GRM1: variants seen among roughly 807,000 people sequenced by gnomAD.
GRM1 encodes the protein metabotropic glutamate receptor 1.
A neutral mutation model predicts 90.9 loss-of-function variants in GRM1; 33 were observed. That is an observed-to-expected ratio of 0.36 (90% CI 0.28 to 0.49). GRM1 has a LOEUF of 0.49. Among genes scored for constraint, GRM1 ranks in the 20% least tolerant of loss-of-function variants. The pLI is 0.99. For missense variants in GRM1, 1,190 were observed against 1,534.3 expected, an observed-to-expected ratio of 0.78 and a Z score of 3.75; for synonymous variants, 700 against 613.2, an observed-to-expected ratio of 1.14 and a Z score of -2.09.
At position 146,436,263 on chromosome 6, in the gene GRM1, A is replaced by G. The variant is rs888364961; in HGVS notation, c.*1467A>G. 6.6e-6 allele frequency: 1 copy of G among 152,180 alleles called. No homozygotes were observed. Among genetic ancestry groups the G allele is most frequent in the Non-Finnish European group, 1.5e-5 (1 of 68,022 alleles). 9.4% of individuals were successfully genotyped at this position (152,180 alleles called of 1,614,324 possible). A position where few individuals can be genotyped will look rare whatever the true frequency, so the allele number is the denominator to read the frequency against. On this transcript the variant is annotated 3_prime_UTR_variant, in exon 8 of 8. Transcript: ENST00000282753. ...CAGCTCGGATGGACATTTTTCTTCT[A>G]AGATGGAACTTATTTTTCAGATATT... is the stretch of plus-strand genomic sequence containing the variant.
intron 5 of GRM1, among the ~76,000 whole-genome samples, chr6:146,370,176 T>C (rs923590929): frequency 1.3e-5 from 2 of 152,182 alleles, no homozygotes; most frequent in African/African-American, 4.8e-5. Context: ...TTTCTTGATG[T>C]TGTGCAAGTT....
At chr6:146,428,159 G>A (rs1778282671) in intron 7 of GRM1, among the ~76,000 whole-genome samples, 1 of 152,200 alleles carries the variant, frequency 6.6e-6, no homozygotes, top group African/African-American at 2.4e-5. Flanking sequence ...GAGATAAGTA[G>A]GTTTAAATCT....
chr6:146,226,747 G>C lies in GRM1; in HGVS notation c.950+67150G>C, dbSNP rs148934552. On this transcript the variant is annotated intron_variant, in intron 2 of 7. Coordinates refer to ENST00000282753, the MANE Select transcript of GRM1 (RefSeq NM_001278064.2). ...TCATGCTGTTTCTTCTACAGTCATTGTTAAAAATGCTCTAATGGACAGACT... is the reference window on the plus strand; with the variant it reads ...TCATGCTGTTTCTTCTACAGTCATTCTTAAAAATGCTCTAATGGACAGACT... Among the ~76,000 whole-genome samples the C allele has an allele frequency of 4.4e-3, 664 of 152,220 alleles. 5 individuals are homozygous for C. Among genetic ancestry groups the C allele is most frequent in the South Asian group, 7.9e-3 (38 of 4,810 alleles).
chr6:146,046,960 T>C (rs1194351264), intron 1 of GRM1, among the ~76,000 whole-genome samples: 1 of 151,918 alleles, frequency 6.6e-6, no homozygotes, highest in Non-Finnish European at 1.5e-5. Context: ...TCTTACATGA[T>C]AGCTAGTGTT....
intron 1 of GRM1, among the ~76,000 whole-genome samples, chr6:146,102,408 T>C (rs566234226): frequency 6.6e-6 from 1 of 152,352 alleles, no homozygotes; most frequent in African/African-American, 2.4e-5. Flanking sequence ...AAAACTGAGC[T>C]CATAAATCTT....
At chr6:146,373,646 T>C (rs1775986919) in intron 5 of GRM1, among the ~76,000 whole-genome samples, 1 of 152,164 alleles carries the variant, frequency 6.6e-6, no homozygotes, top group African/African-American at 2.4e-5. Flanking sequence ...TACTTTTTTA[T>C]TTCCTTTTCA....
chr6:146,388,737 C>T (rs1776600232), intron 6 of GRM1, among the ~76,000 whole-genome samples: 1 of 152,088 alleles, frequency 6.6e-6, no homozygotes, highest in African/African-American at 2.4e-5. Context: ...TGGAGTGGAA[C>T]TCAGCAGATC....
chr6:146,306,071 T>C (rs1023120873), intron 3 of GRM1, among the ~76,000 whole-genome samples: 3 of 152,214 alleles, frequency 2.0e-5, no homozygotes, highest in Non-Finnish European at 4.4e-5. Flanking sequence ...TTCATAAGGT[T>C]CAGCAGAGTT....
At chr6:146,253,430 G>A (rs979111222) in intron 2 of GRM1, among the ~76,000 whole-genome samples, 1 of 152,076 alleles carries the variant, frequency 6.6e-6, no homozygotes, top group Non-Finnish European at 1.5e-5. Flanking sequence ...TTTTATTGTT[G>A]ATGAAAAATG....
chr6:146,186,702 T>C (rs1778745891), intron 2 of GRM1, among the ~76,000 whole-genome samples: 1 of 152,222 alleles, frequency 6.6e-6, no homozygotes, highest in Non-Finnish European at 1.5e-5. Context: ...TTGCTACAGC[T>C]GTCTCCTTTT....
chr6:146,067,207 C>T (rs1775877804), intron 1 of GRM1, among the ~76,000 whole-genome samples: 1 of 152,160 alleles, frequency 6.6e-6, no homozygotes, highest in South Asian at 2.1e-4. Flanking sequence ...ACTAAATTTG[C>T]TCGTCAGCAA....
rs1383162955 is a variant in GRM1 at position 146,030,160 on chromosome 6, A to T, written c.643A>T (p.Met215Leu). ...VPSDTLQARAMLDIVKRYNWT... is the reference protein window; with the variant it reads ...VPSDTLQARALLDIVKRYNWT... ...TTCTGACACTTTGCAGGCAAGGGCCATGCTTGACATAGTCAAACGTTACAA... is the reference window on the plus strand; with the variant it reads ...TTCTGACACTTTGCAGGCAAGGGCCTTGCTTGACATAGTCAAACGTTACAA... The change falls in exon 1 of 8, where the codon ATG (methionine) becomes TTG (leucine). Residue 215 changes from methionine to leucine, a missense_variant. Coordinates refer to ENST00000282753, the MANE Select transcript of GRM1 (RefSeq NM_001278064.2). 1 of 1,614,110 alleles carries T rather than the reference A, an allele frequency of 6.2e-7. No individual in the cohort carries two copies. Among genetic ancestry groups the T allele is most frequent in the Non-Finnish European group, 8.5e-7 (1 of 1,179,958 alleles).
At chr6:146,427,414 C>A (rs1008012951) in intron 7 of GRM1, among the ~76,000 whole-genome samples, 1 of 152,116 alleles carries the variant, frequency 6.6e-6, no homozygotes, top group Non-Finnish European at 1.5e-5. Flanking sequence ...CTTCAAACTC[C>A]TTGGAGAGTC....
intron 2 of GRM1, among the ~76,000 whole-genome samples, chr6:146,234,442 A>G (rs891468869): frequency 7.3e-5 from 11 of 151,306 alleles, no homozygotes; most frequent in Admixed American, 1.3e-4. Flanking sequence ...TCAATGATTC[A>G]TTTGTCTTTA....
At chr6:146,382,078 G>T (rs1293640173) in intron 5 of GRM1, among the ~76,000 whole-genome samples, 1 of 152,052 alleles carries the variant, frequency 6.6e-6, no homozygotes, top group East Asian at 1.9e-4. Context: ...AATCAAAACA[G>T]GTAGGTCTTA....
chr6:146,398,398 C>T (rs2114578041), intron 6 of GRM1, among the ~76,000 whole-genome samples: 1 of 152,270 alleles, frequency 6.6e-6, no homozygotes, highest in South Asian at 2.1e-4. Context: ...TTATTCTATC[C>T]CATTATCACC....
chr6:146,242,466 C>T (rs1041697160), intron 2 of GRM1, among the ~76,000 whole-genome samples: 1 of 152,126 alleles, frequency 6.6e-6, no homozygotes, highest in Admixed American at 6.6e-5. Flanking sequence ...CACCAATCTT[C>T]CTGTGAATAA....
At chr6:146,148,338 G>A (rs979985467) in intron 1 of GRM1, among the ~76,000 whole-genome samples, 5 of 151,810 alleles carry the variant, frequency 3.3e-5, no homozygotes. Context: ...TAAAACTATT[G>A]TTAACATTTT....
At chr6:146,104,741 G>A (rs1360061249) in intron 1 of GRM1, among the ~76,000 whole-genome samples, 2 of 152,096 alleles carry the variant, frequency 1.3e-5, no homozygotes, top group Admixed American at 1.3e-4. Context: ...ACACAAGTGG[G>A]GATACATTCA....
Sources: gnomAD v4.1 joint callset for allele counts (sites outside exome capture counted in the v4.1 genomes callset) on GRCh38, gnomAD v4.1.1 for gene constraint, MANE v1.5 for transcripts, NCBI Gene and HGNC (gene_info 2026-07-23, HGNC 2026-07-21) for gene names.